The following TENT5D variants were observed in gnomAD, a reference collection of about 807,000 sequenced individuals.
The protein encoded by TENT5D is terminal nucleotidyltransferase 5D.
For missense variants in TENT5D, 191 were observed against 287.0 expected (o/e 0.67, Z 2.42); for synonymous variants, 103 against 100.6 (o/e 1.02, Z -0.15).
At chrX:80,406,067 C>A (rs1228387257) in intron 3 of TENT5D, among the ~76,000 whole-genome samples, 3 of 108,919 alleles carry the variant, frequency 2.8e-5, no homozygotes, top group Non-Finnish European at 3.8e-5. Flanking sequence ...AACTAACAAA[C>A]AGAAAGGACA....
intron 1 of TENT5D, among the ~76,000 whole-genome samples, chrX:80,425,164 C>T (rs1426374263): frequency 8.9e-6 from 1 of 112,522 alleles, no homozygotes; most frequent in Non-Finnish European, 1.9e-5. Context: ...TCTTATTGCA[C>T]TGATGCAAAC....
chrX:80,386,344 G>T (rs1418941965), intron 3 of TENT5D, among the ~76,000 whole-genome samples: 1 of 110,618 alleles, frequency 9.0e-6, no homozygotes, highest in Non-Finnish European at 1.9e-5. Context: ...CTCATAGGTG[G>T]GAATCGAACA....
At chrX:80,391,132 A>G (rs776107739) in intron 3 of TENT5D, among the ~76,000 whole-genome samples, 19 of 111,651 alleles carry the variant, frequency 1.7e-4, no homozygotes, top group Non-Finnish European at 3.2e-4. Flanking sequence ...TATACCAGCC[A>G]TGTATTAGGC....
intron 3 of TENT5D, among the ~76,000 whole-genome samples, chrX:80,394,092 C>T (rs1160261005): frequency 9.0e-6 from 1 of 111,497 alleles, no homozygotes; most frequent in Non-Finnish European, 1.9e-5. Flanking sequence ...ATTGCTGGAT[C>T]ATGTGTTAAT....
At position 80,364,796 on chromosome X, in the gene TENT5D, C is replaced by G. The variant is rs933632883; in HGVS notation, c.-142+22232C>G. Among the ~76,000 whole-genome samples the G allele has an allele frequency of 7.3e-5, 8 of 110,122 alleles. No individual in the cohort carries two copies. In the South Asian group the frequency reaches 2.3e-3, roughly 32 times the overall value. Reference sequence around the variant, plus strand: ...TTCTCACTGGCTGATCTACCCTACCCACAATTAGGTAACTTTTTACTTTTA... The same window carrying G: ...TTCTCACTGGCTGATCTACCCTACCGACAATTAGGTAACTTTTTACTTTTA... On this transcript the variant is annotated intron_variant, in intron 3 of 4. Coordinates refer to the TENT5D transcript ENST00000538312.
In TENT5D at chrX:80,360,438, C is replaced by A. The variant is rs192794367; in HGVS notation, c.-142+17874C>A. ...TGGTTAATATTTTGATAGTTTGGAT[C>A]ATTTATTTTAGAAATTGTTGGTGCT... On this transcript the variant is annotated intron_variant, in intron 3 of 4. Coordinates refer to the TENT5D transcript ENST00000538312. Among the ~76,000 whole-genome samples, 80 of 111,899 alleles carry A rather than the reference C, an allele frequency of 7.1e-4. No individual in the cohort carries two copies. The East Asian group carries it at 0.014, about 20-fold the overall frequency.
At chrX:80,405,684 C>T (rs759157107) in intron 3 of TENT5D, among the ~76,000 whole-genome samples, 1 of 109,475 alleles carries the variant, frequency 9.1e-6, no homozygotes, top group East Asian at 2.9e-4. Context: ...AGGAGGGGCG[C>T]CCACCATTGC....
chrX:80,405,397 G>A (rs1370629372), intron 3 of TENT5D, among the ~76,000 whole-genome samples: 3 of 112,232 alleles, frequency 2.7e-5, no homozygotes, highest in Non-Finnish European at 5.6e-5. Context: ...GTGGGTGCAC[G>A]CACCGTGCGC....
At chrX:80,433,302 T>C (rs927489897) in intron 1 of TENT5D, among the ~76,000 whole-genome samples, 1 of 111,683 alleles carries the variant, frequency 9.0e-6, no homozygotes, top group African/African-American at 3.3e-5. Flanking sequence ...GGGCCAGAGG[T>C]TTGTGCAAGT....
At chrX:80,441,003 T>C (rs1932272129) in intron 2 of TENT5D, among the ~76,000 whole-genome samples, 1 of 111,216 alleles carries the variant, frequency 9.0e-6, no homozygotes, top group African/African-American at 3.2e-5. Flanking sequence ...ATCTTGCTCT[T>C]TCCAGTGTCC....
intron 3 of TENT5D, among the ~76,000 whole-genome samples, chrX:80,405,451 G>A (rs976482648): frequency 4.4e-5 from 5 of 112,920 alleles, no homozygotes; most frequent in Non-Finnish European, 9.4e-5. Context: ...GGAAGCGCAA[G>A]GGGTCAGGGA....
At chrX:80,372,651 C>G (rs954695704) in intron 3 of TENT5D, among the ~76,000 whole-genome samples, 1 of 110,575 alleles carries the variant, frequency 9.0e-6, no homozygotes, top group Non-Finnish European at 1.9e-5. Context: ...CTTTGGGAGG[C>G]TGAGGCGTGC....
At position 80,382,641 on chromosome X, in the gene TENT5D, G is replaced by T. The variant is rs376728617; in HGVS notation, c.-142+40077G>T. On this transcript the variant is annotated intron_variant, in intron 3 of 4. Coordinates refer to the TENT5D transcript ENST00000538312. ...GGCAGGCCTCCTTGAGCTGTGGTGG[G>T]CTCCACCCAGTTCAAGCTTCTGGCC... is the stretch of plus-strand genomic sequence containing the variant. Among the ~76,000 whole-genome samples the T allele has an allele frequency of 2.1e-4, 23 of 110,679 alleles. 1 individual carries two copies. The South Asian group carries it at 9.0e-3, about 43-fold the overall frequency.
intron 3 of TENT5D, among the ~76,000 whole-genome samples, chrX:80,377,699 T>A (rs1187428481): frequency 8.9e-6 from 1 of 112,118 alleles, no homozygotes; most frequent in East Asian, 2.8e-4. Context: ...TAAACATACG[T>A]GTGCATGTGT....
chrX:80,415,439 T>A (rs1156368529), intron 3 of TENT5D, among the ~76,000 whole-genome samples: 1 of 111,907 alleles, frequency 8.9e-6, no homozygotes, highest in African/African-American at 3.2e-5. Context: ...TTTGGGTTTG[T>A]CATATATGGC....
chrX:80,339,855 A>AT (rs1929923052), intron 2 of TENT5D, among the ~76,000 whole-genome samples: 1 of 101,875 alleles, frequency 9.8e-6, no homozygotes, highest in African/African-American at 3.8e-5. Flanking sequence ...TAGTTATCGG[A>AT]AATATATATA....
chrX:80,424,466 A>G (rs369534233), intron 1 of TENT5D, among the ~76,000 whole-genome samples: 2 of 111,950 alleles, frequency 1.8e-5, no homozygotes, highest in South Asian at 3.7e-4. Context: ...GACTTGTGGG[A>G]TAATTGCCCA....
chrX:80,397,455 C>T (rs1363296542), intron 3 of TENT5D, among the ~76,000 whole-genome samples: 22 of 103,095 alleles, frequency 2.1e-4, no homozygotes, highest in Non-Finnish European at 4.4e-4. Flanking sequence ...ACTGGGCAGC[C>T]AGGCAGAGGG....
intron 3 of TENT5D, among the ~76,000 whole-genome samples, chrX:80,387,214 C>T (rs976712755): frequency 9.8e-5 from 11 of 112,169 alleles, no homozygotes; most frequent in African/African-American, 3.2e-4. Flanking sequence ...GCACATCTCC[C>T]TCCATGGGAT....
Sources: allele counts gnomAD v4.1 joint callset (sites outside exome capture counted in the v4.1 genomes callset), GRCh38; gene constraint gnomAD v4.1.1; transcripts MANE v1.5; gene names NCBI Gene and HGNC (gene_info 2026-07-23, HGNC 2026-07-21).